Variants in IFI27 observed in about 807,000 individuals in gnomAD.
IFI27 encodes the protein interferon alpha inducible protein 27, also known as interferon alpha-inducible protein 27, mitochondrial.
A neutral mutation model predicts 8.9 loss-of-function variants in IFI27; 3 were observed. The observed-to-expected ratio is 0.34, with a 90% CI of 0.15 to 0.87. The LOEUF (loss-of-function observed/expected upper bound fraction) is 0.87. Ranked by LOEUF, IFI27 falls within the 40% of genes least tolerant of loss-of-function variation. The probability of loss-of-function intolerance (pLI) is 0.51; values close to 1 mark genes in which losing one functional copy is unlikely to be tolerated. For missense variants in IFI27, 152 were observed against 157.7 expected, an observed-to-expected ratio of 0.96 and a Z score of 0.19; for synonymous variants, 66 against 67.3, an observed-to-expected ratio of 0.98 and a Z score of 0.09.
At position 94,116,252 on chromosome 14, in the gene IFI27, G is replaced by C. The variant is rs539188120; in HGVS notation, c.284-190G>C. 4.3e-4 allele frequency: 278 copies of C among 645,840 alleles called. 1 individual carries two copies. The highest frequency in any genetic ancestry group is 2.1e-4 in the Admixed American group (9 of 43,180). 40.0% of individuals were successfully genotyped at this position (645,840 alleles called of 1,614,324 possible). A position where few individuals can be genotyped will look rare whatever the true frequency, so the allele number is the denominator to read the frequency against. ...TCTAGCTCTGGAGTTCACCATGGGG[G>C]TTCATGCCTGCAGCAGCCTCTCCCC... On this transcript the variant is annotated intron_variant, in intron 4 of 4. Transcript: ENST00000621160. This position sits in a 1 kb window ranked among gnomAD's most constrained non-coding sequence, Gnocchi z 4.3.
At chr14:94,112,171 C>A in intron 2 of IFI27, 1 of 193,912 alleles carries the variant, frequency 5.2e-6, no homozygotes, top group Admixed American at 5.6e-5. Flanking sequence ...TCCAGAGTAT[C>A]GATTTTAACA....
At chr14:94,109,088 GT>G (rs1007178260), upstream of IFI27, among the ~76,000 whole-genome samples, 57 of 152,000 alleles carry the variant, frequency 3.8e-4, no homozygotes, top group African/African-American at 1.4e-3. Flanking sequence ...GACATCAGGA[GT>G]TTGAGACCAG....
rs762707743 is a variant in IFI27, at chr14:94,116,496, CCATTGCGGCTGT to C, written c.346_357del (p.Ala116_Ala119del). Reference sequence around the variant, plus strand: ...TTCATCCTGGGCTCCATTGGGTCTGCCATTGCGGCTGTCATTGCGAGGTTCTACTAGCTCCCT... The same window carrying C: ...TTCATCCTGGGCTCCATTGGGTCTGCCATTGCGAGGTTCTACTAGCTCCCT... On this transcript the variant is annotated inframe_deletion, in exon 5 of 5. Transcript: ENST00000621160. The surrounding 1 kb of genome is among the most constrained non-coding windows in gnomAD (Gnocchi z 4.3). 1 of 1,613,428 alleles carries C rather than the reference CCATTGCGGCTGT, an allele frequency of 6.2e-7. No individual in the cohort carries two copies. Among genetic ancestry groups the C allele is most frequent in the Non-Finnish European group, 8.5e-7 (1 of 1,179,734 alleles).
chr14:94,108,752 TAA>T (rs11329498), upstream of IFI27, among the ~76,000 whole-genome samples: 66 of 141,944 alleles, frequency 4.6e-4, 3 homozygotes, highest in South Asian at 1.7e-3. Flanking sequence ...TGTGTCAACA[TAA>T]AAAAAAAAAA....
chr14:94,112,038 G>C (rs1408975754), intron 2 of IFI27: 19 of 570,172 alleles, frequency 3.3e-5, no homozygotes, highest in Non-Finnish European at 5.7e-5. Flanking sequence ...TAGCCGGAAA[G>C]GGTCTATCTA....
chr14:94,108,648 A>G (rs1228523839), upstream of IFI27, among the ~76,000 whole-genome samples: 1 of 152,216 alleles, frequency 6.6e-6, no homozygotes, highest in Non-Finnish European at 1.5e-5. Context: ...CCAGAGAGAA[A>G]GCCAGAGTGG....
In IFI27 at chr14:94,111,495, C is replaced by T. The variant is rs1283608465; in HGVS notation, c.-58-130C>T. ...TCCCTCCCTCACCCCAGGATCCTTT[C>T]AAGGCCTGCTGCTCCACAAGCTCAG... On this transcript the variant is annotated intron_variant, in intron 1 of 4. Transcript: ENST00000621160. The surrounding 1 kb of genome is among the most constrained non-coding windows in gnomAD (Gnocchi z 4.3). 1 of 603,138 alleles carries T rather than the reference C, an allele frequency of 1.7e-6. No individual in the cohort carries two copies. 37.4% of individuals were successfully genotyped at this position (603,138 alleles called of 1,614,324 possible). A position where few individuals can be genotyped will look rare whatever the true frequency, so the allele number is the denominator to read the frequency against.
At position 94,111,522 on chromosome 14, in the gene IFI27, G is replaced by A. The variant is rs1398677262; in HGVS notation, c.-58-103G>A. ...AGGCCTGCTGCTCCACAAGCTCAGA[G>A]CAGCCTCCCTAGCCCCCTGGAGCCC... On this transcript the variant is annotated intron_variant, in intron 1 of 4. Coordinates refer to ENST00000621160, the Ensembl canonical transcript of IFI27. This position sits in a 1 kb window ranked among gnomAD's most constrained non-coding sequence, Gnocchi z 4.3. 3.1e-6 allele frequency: 2 copies of A among 637,132 alleles called. No individual in the cohort carries two copies. The highest frequency in any genetic ancestry group is 2.4e-5 in the Admixed American group (1 of 41,304). The allele number at this position is 637,132 out of a possible 1,614,324, so 39.5% of individuals were successfully genotyped here. A position where few individuals can be genotyped will look rare whatever the true frequency, so the allele number is the denominator to read the frequency against.
chr14:94,116,058 C>T lies in IFI27; in HGVS notation c.283+116C>T. ...AATCTCCCTGTTCCTCTGTCTCTCT[C>T]TACACATTCTCTCAGGGTTTCTCTG... On this transcript the variant is annotated intron_variant, in intron 4 of 4. Coordinates refer to ENST00000621160, the Ensembl canonical transcript of IFI27. The surrounding 1 kb of genome is among the most constrained non-coding windows in gnomAD (Gnocchi z 4.3). 3 of 1,090,146 alleles carry T rather than the reference C, an allele frequency of 2.8e-6. No individual in the cohort carries two copies. Among genetic ancestry groups the T allele is most frequent in the Non-Finnish European group, 4.1e-6 (3 of 737,332 alleles). 67.5% of individuals were successfully genotyped at this position (1,090,146 alleles called of 1,614,324 possible). A position where few individuals can be genotyped will look rare whatever the true frequency, so the allele number is the denominator to read the frequency against.
At chr14:94,112,235 T>C (rs961784670) in intron 2 of IFI27, 1 of 164,106 alleles carries the variant, frequency 6.1e-6, no homozygotes, top group Admixed American at 6.0e-5. Context: ...TTTCTGGTTT[T>C]ATTTATTCTC....
Position 94,111,354 on chromosome 14 carries a change from A to G in IFI27, c.-58-271A>G, listed in dbSNP as rs1222719220. Reference sequence around the variant, plus strand: ...AGATAAGGGAGTCCCGGAAGTGTCTAAGACATTGGCGCTGGGACTTTCAGG... The same window carrying G: ...AGATAAGGGAGTCCCGGAAGTGTCTGAGACATTGGCGCTGGGACTTTCAGG... On this transcript the variant is annotated intron_variant, in intron 1 of 4. Coordinates refer to ENST00000621160, the Ensembl canonical transcript of IFI27. This position sits in a 1 kb window ranked among gnomAD's most constrained non-coding sequence, Gnocchi z 4.3. Among the ~76,000 whole-genome samples the G allele has an allele frequency of 6.6e-6, 1 of 152,180 alleles. No homozygotes were observed. Among genetic ancestry groups the G allele is most frequent in the Non-Finnish European group, 1.5e-5 (1 of 68,030 alleles).
At chr14:94,105,967 C>CT (rs1887009743), upstream of IFI27, 2 of 152,190 alleles carry the variant, frequency 1.3e-5, no homozygotes, top group African/African-American at 4.8e-5. Context: ...GTTTGCACTG[C>CT]TGTAACAAAA....
upstream of IFI27, among the ~76,000 whole-genome samples, chr14:94,108,266 C>T (rs1887038875): frequency 6.6e-6 from 1 of 152,130 alleles, no homozygotes; most frequent in East Asian, 1.9e-4. Flanking sequence ...GGTTCCAAGT[C>T]TTTGCTATTG....
intron 2 of IFI27, chr14:94,112,122 A>T (rs1887217398): frequency 6.0e-6 from 2 of 334,674 alleles, no homozygotes; most frequent in South Asian, 4.9e-5. Context: ...TTAGGAGTTT[A>T]CCTTGTCAAT....
At chr14:94,107,313 T>C (rs1458997252), upstream of IFI27, among the ~76,000 whole-genome samples, 1 of 152,206 alleles carries the variant, frequency 6.6e-6, no homozygotes, top group Non-Finnish European at 1.5e-5. Flanking sequence ...TCAGGTGATC[T>C]GCCTGCCTCG....
In IFI27 at chr14:94,116,021, C is replaced by G; in HGVS notation, c.283+79C>G. On this transcript the variant is annotated intron_variant, in intron 4 of 4. Transcript: ENST00000621160. This position sits in a 1 kb window ranked among gnomAD's most constrained non-coding sequence, Gnocchi z 4.3. Reference sequence around the variant, plus strand: ...CCAAGGACCCAGTCCCAATCTCAACCCTATGAACCTCAATCTCCCTGTTCC... The same window carrying G: ...CCAAGGACCCAGTCCCAATCTCAACGCTATGAACCTCAATCTCCCTGTTCC... The G allele has an allele frequency of 1.5e-6, 2 of 1,308,988 alleles. No individual in the cohort carries two copies. Among genetic ancestry groups the G allele is most frequent in the South Asian group, 2.5e-5 (2 of 79,350 alleles). 81.1% of individuals were successfully genotyped at this position (1,308,988 alleles called of 1,614,324 possible). A position where few individuals can be genotyped will look rare whatever the true frequency, so the allele number is the denominator to read the frequency against.
chr14:94,114,988 G>A, intron 3 of IFI27, 108 bp downstream of exon 3: 1 of 1,000,464 alleles, frequency 1.0e-6, no homozygotes, highest in East Asian at 2.4e-5. Flanking sequence ...GGGTGGTCAG[G>A]GGAGGAGGTG....
In IFI27 at chr14:94,111,521, A is replaced by G. The variant is rs1887182617; in HGVS notation, c.-58-104A>G. ...AAGGCCTGCTGCTCCACAAGCTCAGAGCAGCCTCCCTAGCCCCCTGGAGCC... is the reference window on the plus strand; with the variant it reads ...AAGGCCTGCTGCTCCACAAGCTCAGGGCAGCCTCCCTAGCCCCCTGGAGCC... On this transcript the variant is annotated intron_variant, in intron 1 of 4. Coordinates refer to ENST00000621160, the Ensembl canonical transcript of IFI27. This position sits in a 1 kb window ranked among gnomAD's most constrained non-coding sequence, Gnocchi z 4.3. The G allele has an allele frequency of 1.6e-6, 1 of 635,868 alleles. No homozygotes were observed. Among genetic ancestry groups the G allele is most frequent in the Non-Finnish European group, 2.9e-6 (1 of 349,958 alleles). The allele number at this position is 635,868 out of a possible 1,614,324, so 39.4% of individuals were successfully genotyped here. A position where few individuals can be genotyped will look rare whatever the true frequency, so the allele number is the denominator to read the frequency against.
chr14:94,106,530 T>C (rs1487180961), upstream of IFI27, among the ~76,000 whole-genome samples: 1 of 152,236 alleles, frequency 6.6e-6, no homozygotes, highest in Non-Finnish European at 1.5e-5. Flanking sequence ...TAGTATCTCA[T>C]TGTGGCTTTG....
Sources: allele counts gnomAD v4.1 joint callset (sites outside exome capture counted in the v4.1 genomes callset), GRCh38; gene constraint gnomAD v4.1.1; non-coding constraint Gnocchi (gnomAD v3.1); transcripts MANE v1.5; gene names NCBI Gene and HGNC (gene_info 2026-07-23, HGNC 2026-07-21).